NPAS3: variants seen among roughly 807,000 people sequenced by gnomAD.
The protein encoded by NPAS3 is neuronal PAS domain-containing protein 3.
In NPAS3, 14 loss-of-function variants were observed where a neutral mutation model predicts 73.1. That is an observed-to-expected ratio of 0.19 (90% confidence interval 0.13 to 0.30). NPAS3 has a LOEUF of 0.30. Among genes scored for constraint, NPAS3 ranks in the 10% least tolerant of loss-of-function variants. The probability of loss-of-function intolerance (pLI) is 1.00; values close to 1 mark genes in which losing one functional copy is unlikely to be tolerated. For missense variants in NPAS3, 1,096 were observed against 1,250.0 expected (o/e 0.88, Z 1.86); for synonymous variants, 620 against 541.5 (o/e 1.14, Z -2.01).
At chr14:33,687,445 A>G (rs2060121328) in intron 6 of NPAS3, among the ~76,000 whole-genome samples, 1 of 152,216 alleles carries the variant, frequency 6.6e-6, no homozygotes, top group African/African-American at 2.4e-5. Context: ...TAACAAGAAC[A>G]TTCATAAAAC....
At chr14:33,223,314 A>G (rs1357911687) in intron 3 of NPAS3, among the ~76,000 whole-genome samples, 1 of 152,158 alleles carries the variant, frequency 6.6e-6, no homozygotes, top group Non-Finnish European at 1.5e-5. Flanking sequence ...TCCATGTCAA[A>G]AGCAAAACAA....
intron 1 of NPAS3, among the ~76,000 whole-genome samples, chr14:32,985,490 T>A (rs2038060506): frequency 6.6e-6 from 1 of 152,228 alleles, no homozygotes; most frequent in Admixed American, 6.5e-5. Flanking sequence ...ATATTTCTGC[T>A]TGTTTTCTGT....
intron 2 of NPAS3, among the ~76,000 whole-genome samples, chr14:33,179,758 T>G (rs553529721): frequency 2.0e-5 from 3 of 152,044 alleles, no homozygotes; most frequent in Non-Finnish European, 4.4e-5. Flanking sequence ...TGAAACACAG[T>G]AAAGAGTGGA....
chr14:33,221,980 C>T (rs544454588), intron 3 of NPAS3, among the ~76,000 whole-genome samples: 25 of 151,974 alleles, frequency 1.6e-4, no homozygotes, highest in African/African-American at 5.8e-4. Flanking sequence ...AAATGAAGAC[C>T]CAGAGACCCA....
At chr14:33,129,385 G>A (rs961246938) in intron 2 of NPAS3, among the ~76,000 whole-genome samples, 1 of 152,098 alleles carries the variant, frequency 6.6e-6, no homozygotes, top group Admixed American at 6.6e-5. Flanking sequence ...TGTGAATATT[G>A]ATAGCATATC....
At chr14:33,744,175 T>C (rs56972082) in intron 7 of NPAS3, among the ~76,000 whole-genome samples, 5,506 of 152,322 alleles carry the variant, frequency 0.036, 343 homozygotes, top group African/African-American at 0.12. Flanking sequence ...CAATATGCCT[T>C]ATTCACTAAG....
intron 1 of NPAS3, among the ~76,000 whole-genome samples, chr14:32,940,464 A>G (rs1291755498): frequency 1.3e-5 from 2 of 152,264 alleles, no homozygotes; most frequent in African/African-American, 2.4e-5. Context: ...CATTAATTGC[A>G]TATAGCATAT....
upstream of NPAS3, chr14:32,939,307 T>C (rs758416916): frequency 3.3e-6 from 2 of 611,008 alleles, no homozygotes; most frequent in South Asian, 1.5e-5. Flanking sequence ...GGAAAAAAAA[T>C]AGCAGGAAGA....
intron 5 of NPAS3, among the ~76,000 whole-genome samples, chr14:33,583,889 T>C (rs2056768855): frequency 6.6e-6 from 1 of 152,128 alleles, no homozygotes; most frequent in Admixed American, 6.5e-5. Flanking sequence ...TTCTTCAGAG[T>C]TTAAGGGTTG....
Position 33,328,446 on chromosome 14 carries a change from C to CTTTTTTTTTTTTTTT in NPAS3, c.386-38716_386-38702dup, listed in dbSNP as rs58411120. On this transcript the variant is annotated intron_variant, in intron 3 of 11. Transcript: ENST00000356141. ...TTTATCTTTCTTTTCCTTTTCTTTT[C>CTTTTTTTTTTTTTTT]TTTTTTTTTTTTTTTTTTTTTTTTT... Among the ~76,000 whole-genome samples, 17 of 49,584 alleles carry CTTTTTTTTTTTTTTT rather than the reference C, an allele frequency of 3.4e-4. 7 individuals are homozygous for CTTTTTTTTTTTTTTT. The highest frequency in any genetic ancestry group is 5.2e-4 in the Non-Finnish European group (14 of 26,758). The allele number at this position is 49,584 out of a possible 152,430, so 32.5% of individuals were successfully genotyped here. A position where few individuals can be genotyped will look rare whatever the true frequency, so the allele number is the denominator to read the frequency against.
intron 2 of NPAS3, among the ~76,000 whole-genome samples, chr14:33,182,637 A>G (rs1171225462): frequency 6.6e-6 from 1 of 152,066 alleles, no homozygotes; most frequent in East Asian, 1.9e-4. Flanking sequence ...TATTGTCAAC[A>G]TATTTTTTCA....
intron 1 of NPAS3, among the ~76,000 whole-genome samples, chr14:32,986,904 C>G (rs1384423675): frequency 1.3e-5 from 2 of 152,124 alleles, no homozygotes; most frequent in African/African-American, 4.8e-5. Context: ...AGTGATGTAA[C>G]CCATTAGGCT....
At chr14:33,751,625 A>G (rs2061965172) in intron 7 of NPAS3, among the ~76,000 whole-genome samples, 1 of 152,180 alleles carries the variant, frequency 6.6e-6, no homozygotes, top group African/African-American at 2.4e-5. Flanking sequence ...CAAAACCTAC[A>G]TTTCAGGCGC....
intron 5 of NPAS3, among the ~76,000 whole-genome samples, chr14:33,580,678 T>G (rs2056629640): frequency 6.6e-6 from 1 of 152,168 alleles, no homozygotes; most frequent in African/African-American, 2.4e-5. Flanking sequence ...CTCAGCTCAC[T>G]CTAAGTTTTC....
chr14:33,398,938 A>G (rs888558956), intron 4 of NPAS3, among the ~76,000 whole-genome samples: 2 of 152,110 alleles, frequency 1.3e-5, no homozygotes, highest in African/African-American at 4.8e-5. Flanking sequence ...TTGTGACAAT[A>G]AAGGCCATGA....
intron 2 of NPAS3, among the ~76,000 whole-genome samples, chr14:33,080,340 T>A (rs1414194398): frequency 6.6e-6 from 1 of 151,866 alleles, no homozygotes; most frequent in Non-Finnish European, 1.5e-5. Flanking sequence ...TCTCCTGACC[T>A]CGTGATCCGC....
chr14:33,190,493 C>CA (rs1251689187), intron 2 of NPAS3, among the ~76,000 whole-genome samples: 1 of 152,144 alleles, frequency 6.6e-6, no homozygotes, highest in Non-Finnish European at 1.5e-5. Context: ...ATCAATTTCA[C>CA]AAAAATAGTT....
chr14:33,033,268 C>T (rs1267093588), intron 1 of NPAS3, among the ~76,000 whole-genome samples: 3 of 152,114 alleles, frequency 2.0e-5, no homozygotes, highest in Non-Finnish European at 4.4e-5. Flanking sequence ...CACTTGACGT[C>T]AGGAGTTCGA....
At chr14:33,222,402 C>G (rs776927135) in intron 3 of NPAS3, among the ~76,000 whole-genome samples, 4 of 152,202 alleles carry the variant, frequency 2.6e-5, no homozygotes, top group Non-Finnish European at 4.4e-5. Flanking sequence ...TGCCATACTT[C>G]ACAGTATCAC....
Sources: gnomAD v4.1 joint callset for allele counts (sites outside exome capture counted in the v4.1 genomes callset) on GRCh38, gnomAD v4.1.1 for gene constraint, MANE v1.5 for transcripts, NCBI Gene and HGNC (gene_info 2026-07-23, HGNC 2026-07-21) for gene names.